CLCN3: variants seen among roughly 807,000 people sequenced by gnomAD.
CLCN3 encodes the protein Cl-/H+ antiporter 3, also known as H(+)/Cl(-) exchange transporter 3.
A neutral mutation model predicts 83.4 loss-of-function variants in CLCN3; 16 were observed. The ratio of observed to expected loss-of-function variants is 0.19; its 90% CI spans 0.13 to 0.29. The LOEUF is 0.29. Among genes scored for constraint, CLCN3 ranks in the 10% least tolerant of loss-of-function variants. The pLI, the probability that CLCN3 is intolerant of heterozygous loss-of-function variation, is 1.00. For synonymous variants in CLCN3, 322 were observed against 346.2 expected (o/e 0.93, Z 0.78); for missense variants, 544 against 1,006.0 (o/e 0.54, Z 6.21).
At chr4:169,649,202 C>T (rs1377835708) in intron 2 of CLCN3, among the ~76,000 whole-genome samples, 1 of 152,028 alleles carries the variant, frequency 6.6e-6, no homozygotes, top group Non-Finnish European at 1.5e-5. Flanking sequence ...AGGGAAGGAA[C>T]TTGGAGCGTT....
At chr4:169,703,675 C>CT (rs1215741103) in intron 9 of CLCN3, among the ~76,000 whole-genome samples, 63 of 123,270 alleles carry the variant, frequency 5.1e-4, no homozygotes, top group South Asian at 1.0e-3. Context: ...TTTTTTTTTT[C>CT]TTTTTTTTTT....
At chr4:169,711,353 A>G (rs545594018) in intron 11 of CLCN3, among the ~76,000 whole-genome samples, 31 of 152,254 alleles carry the variant, frequency 2.0e-4, no homozygotes, top group Admixed American at 6.5e-4. Flanking sequence ...CTTCTTTTCT[A>G]TGCCATGATC....
At chr4:169,711,175 A>T (rs1243717611) in intron 11 of CLCN3, among the ~76,000 whole-genome samples, 1 of 152,186 alleles carries the variant, frequency 6.6e-6, no homozygotes, top group African/African-American at 2.4e-5. Context: ...TATACTATTG[A>T]TGTCACACTT....
chr4:169,691,460 C>T (rs566816893), intron 6 of CLCN3, among the ~76,000 whole-genome samples: 35 of 152,214 alleles, frequency 2.3e-4, no homozygotes, highest in African/African-American at 8.4e-4. Flanking sequence ...TTTTATTTTT[C>T]ATCACAATAA....
At chr4:169,672,695 G>C (rs1191631266) in intron 2 of CLCN3, among the ~76,000 whole-genome samples, 1 of 151,986 alleles carries the variant, frequency 6.6e-6, no homozygotes, top group Non-Finnish European at 1.5e-5. Context: ...ATGGAGTCTT[G>C]CTCTGTCACC....
chr4:169,712,480 A>G (rs1256965957), intron 11 of CLCN3, among the ~76,000 whole-genome samples: 1 of 151,680 alleles, frequency 6.6e-6, no homozygotes, highest in Non-Finnish European at 1.5e-5. Flanking sequence ...GAATAAAACA[A>G]CCCCCCAATA....
intron 1 of CLCN3, among the ~76,000 whole-genome samples, chr4:169,627,879 C>G (rs1270240633): frequency 2.0e-5 from 3 of 152,106 alleles, no homozygotes; most frequent in African/African-American, 4.8e-5. Context: ...TGTGAAAGAT[C>G]AATCTACTCA....
chr4:169,646,401 G>A (rs1409024035), intron 2 of CLCN3, among the ~76,000 whole-genome samples: 1 of 152,022 alleles, frequency 6.6e-6, no homozygotes, highest in Non-Finnish European at 1.5e-5. Context: ...TGATTCTCGT[G>A]CCTCAGCCTT....
intron 2 of CLCN3, among the ~76,000 whole-genome samples, chr4:169,659,087 T>C (rs1730969052): frequency 6.6e-6 from 1 of 152,112 alleles, no homozygotes; most frequent in Non-Finnish European, 1.5e-5. Flanking sequence ...TTCAATACTT[T>C]AGGAAAACAA....
At chr4:169,658,529 C>T (rs1017503062) in intron 2 of CLCN3, among the ~76,000 whole-genome samples, 2 of 151,826 alleles carry the variant, frequency 1.3e-5, no homozygotes, top group African/African-American at 2.4e-5. Context: ...AAATGCCATA[C>T]AATTATATAT....
intron 11 of CLCN3, among the ~76,000 whole-genome samples, chr4:169,712,787 C>T (rs1296619431): frequency 1.3e-5 from 2 of 152,170 alleles, no homozygotes; most frequent in East Asian, 1.9e-4. Context: ...TCCTTAGCCC[C>T]CAAGTTAGAA....
intron 9 of CLCN3, among the ~76,000 whole-genome samples, chr4:169,702,087 C>T (rs1034132302): frequency 1.6e-4 from 24 of 152,248 alleles, no homozygotes; most frequent in South Asian, 6.2e-4. Flanking sequence ...GGAAAGCTGC[C>T]GATCGCTAGT....
intron 2 of CLCN3, among the ~76,000 whole-genome samples, chr4:169,653,175 A>G (rs768137782): frequency 6.6e-5 from 10 of 152,052 alleles, no homozygotes; most frequent in Non-Finnish European, 1.3e-4. Flanking sequence ...ACATTTTTCT[A>G]TATTATTTTG....
At chr4:169,666,001 G>A (rs147944605) in intron 2 of CLCN3, among the ~76,000 whole-genome samples, 42 of 149,938 alleles carry the variant, frequency 2.8e-4, no homozygotes, top group African/African-American at 1.0e-3. Flanking sequence ...TTTAAGTTCA[G>A]TTCAGCAAAT....
intron 6 of CLCN3, 57 bp from the exon 7 acceptor site, chr4:169,692,057 C>T (rs566958965): frequency 1.0e-5 from 11 of 1,075,406 alleles, no homozygotes; most frequent in Middle Eastern, 4.4e-4. Flanking sequence ...AACTTGGATT[C>T]GTTACATTCT....
chr4:169,641,204 A>G (rs1007023414), intron 2 of CLCN3, among the ~76,000 whole-genome samples: 10 of 152,178 alleles, frequency 6.6e-5, no homozygotes, highest in African/African-American at 2.4e-4. Flanking sequence ...GTGGGGTGCT[A>G]TGATCGCACC....
chr4:169,671,303 T>A (rs11931360), intron 2 of CLCN3, among the ~76,000 whole-genome samples: 17,637 of 152,126 alleles, frequency 0.12, 1,126 homozygotes, highest in East Asian at 0.17. Flanking sequence ...TGCAGGGACA[T>A]GGATGAAGCT....
In CLCN3 at chr4:169,720,240, C is replaced by T. The variant is rs1581300403; in HGVS notation, c.*243C>T. The T allele has an allele frequency of 5.1e-6, 3 of 590,802 alleles. No homozygotes were observed. Among genetic ancestry groups the T allele is most frequent in the Non-Finnish European group, 9.0e-6 (3 of 334,930 alleles). 36.6% of individuals were successfully genotyped at this position (590,802 alleles called of 1,614,324 possible). ...GTATTTCCCGTCTAACAGAAAGCAGCGTATCAACTCCTATTGTTCTGCACT... is the reference window on the plus strand; with the variant it reads ...GTATTTCCCGTCTAACAGAAAGCAGTGTATCAACTCCTATTGTTCTGCACT... On this transcript the variant is annotated 3_prime_UTR_variant, in exon 13 of 13. Transcript: ENST00000513761.
At chr4:169,693,899 G>A (rs527703312) in intron 7 of CLCN3, among the ~76,000 whole-genome samples, 3 of 152,266 alleles carry the variant, frequency 2.0e-5, no homozygotes, top group Admixed American at 6.5e-5. Context: ...AAGAATTCAC[G>A]GTTAGTTGAA....
Sources: gnomAD v4.1 joint callset for allele counts (sites outside exome capture counted in the v4.1 genomes callset) on GRCh38, gnomAD v4.1.1 for gene constraint, MANE v1.5 for transcripts, NCBI Gene and HGNC (gene_info 2026-07-23, HGNC 2026-07-21) for gene names.